MXRA8: variants seen among roughly 807,000 people sequenced by gnomAD.
The protein encoded by MXRA8 is matrix remodeling associated 8.
In MXRA8, 44 loss-of-function variants were observed where a neutral mutation model predicts 51.4. The ratio of observed to expected loss-of-function variants is 0.86; its 90% confidence interval spans 0.67 to 1.10. The LOEUF (loss-of-function observed/expected upper bound fraction) is 1.10. MXRA8 is among the 50% of genes least tolerant of loss of function. MXRA8 has a pLI of 0.00. For synonymous variants in MXRA8, 369 were observed against 293.5 expected (o/e 1.26, Z -2.63); for missense variants, 765 against 638.9 (o/e 1.20, Z -2.13).
Position 1,355,632 on chromosome 1 carries a change from C to A in MXRA8, c.194G>T (p.Arg65Leu), listed in dbSNP as rs916848887. 17 of 1,465,952 alleles carry A rather than the reference C, an allele frequency of 1.2e-5. No homozygotes were observed. The African/African-American group carries it at 2.4e-4, about 20-fold the overall frequency. The allele number at this position is 1,465,952 out of a possible 1,614,324, so 90.8% of individuals were successfully genotyped here. ...GAGCACGCGCTGGCGGTCGTGCAGC[C>A]GGTCCTGGGTCCACACCATGCGCGG... is the stretch of plus-strand genomic sequence containing the variant. ...QSPRMVWTQDRLHDRQRVLHW... is the reference protein window; with the variant it reads ...QSPRMVWTQDLLHDRQRVLHW... The change falls in exon 3 of 10, where the codon CGG (arginine) becomes CTG (leucine). Residue 65 changes from arginine (R) to leucine (L), a missense_variant. Arg to Leu is a moderately radical substitution (Grantham distance 102). Coordinates refer to ENST00000309212, the MANE Select transcript of MXRA8 (RefSeq NM_032348.4).
rs973959527 is a variant in MXRA8, at chr1:1,353,751, C to G, written c.1303+97G>C. ...TTCTGAGCCTGAGGTGGCAGGGGCC[C>G]CGGGCCTGGCTGGTGCCTGCCATCG... is the stretch of plus-strand genomic sequence containing the variant. On this transcript the variant is annotated intron_variant, in intron 9 of 9. Coordinates refer to ENST00000309212, the MANE Select transcript of MXRA8 (RefSeq NM_032348.4). 4 of 1,471,586 alleles carry G rather than the reference C, an allele frequency of 2.7e-6. No homozygotes were observed. In the South Asian group the frequency reaches 5.2e-5, roughly 19 times the overall value. 91.2% of individuals were successfully genotyped at this position (1,471,586 alleles called of 1,614,324 possible). A position where few individuals can be genotyped will look rare whatever the true frequency, so the allele number is the denominator to read the frequency against.
chr1:1,361,477 C>T (rs1302148177), upstream of MXRA8: 4 of 588,602 alleles, frequency 6.8e-6, no homozygotes, highest in East Asian at 1.1e-4. Flanking sequence ...ACGGACGGAC[C>T]CAAGGAAGCA....
chr1:1,361,416 G>C, upstream of MXRA8: 1 of 670,316 alleles, frequency 1.5e-6, no homozygotes, highest in East Asian at 2.7e-5. Flanking sequence ...GCTGCATGTG[G>C]TGGAGGGAAT....
At chr1:1,358,632 G>A (rs1338287439), upstream of MXRA8, 2 of 1,429,802 alleles carry the variant, frequency 1.4e-6, no homozygotes, top group Non-Finnish European at 1.8e-6. Flanking sequence ...TCTACGGTCT[G>A]GGGACCGCCC....
rs1411326478 is a variant in MXRA8, at chr1:1,352,845, A to G, written c.*759T>C. On this transcript the variant is annotated 3_prime_UTR_variant, in exon 10 of 10. Coordinates refer to ENST00000309212, the MANE Select transcript of MXRA8 (RefSeq NM_032348.4). ...AGAAGCCAAATGTAGCCCCAGCCCT[A>G]GACTCCAGCCCAGGCAGAGTCCAAG... 4.1e-6 allele frequency: 1 copy of G among 245,370 alleles called. No homozygotes were observed. The allele number at this position is 245,370 out of a possible 1,614,324, so 15.2% of individuals were successfully genotyped here. A position where few individuals can be genotyped will look rare whatever the true frequency, so the allele number is the denominator to read the frequency against.
In MXRA8 at chr1:1,355,656, G is replaced by A. The variant is rs954835307; in HGVS notation, c.170C>T (p.Pro57Leu). ...GARAVLRCQS[P>L]RMVWTQDRLH... ...CCGGTCCTGGGTCCACACCATGCGC[G>A]GGCTCTGGCAGCGCAGCACCGCCCG... The change falls in exon 3 of 10, where the codon CCG becomes CTG. Residue 57 changes from proline to leucine, a missense_variant. Coordinates refer to ENST00000309212, the MANE Select transcript of MXRA8 (RefSeq NM_032348.4). 66 of 1,426,474 alleles carry A rather than the reference G, an allele frequency of 4.6e-5. No individual in the cohort carries two copies. The African/African-American group carries it at 8.0e-4, about 17-fold the overall frequency. The allele number at this position is 1,426,474 out of a possible 1,614,324, so 88.4% of individuals were successfully genotyped here. A position where few individuals can be genotyped will look rare whatever the true frequency, so the allele number is the denominator to read the frequency against.
chr1:1,362,217 C>T (rs1644230562), upstream of MXRA8, among the ~76,000 whole-genome samples: 1 of 152,224 alleles, frequency 6.6e-6, no homozygotes, highest in Non-Finnish European at 1.5e-5. Flanking sequence ...AGCTGCCCTC[C>T]ACCACCACTG....
intron 1 of MXRA8, among the ~76,000 whole-genome samples, chr1:1,357,652 A>C (rs1644158885): frequency 6.6e-6 from 1 of 152,106 alleles, no homozygotes; most frequent in African/African-American, 2.4e-5. Flanking sequence ...CTAAAAATAC[A>C]AAAAATTAGC....
rs572913095 is a variant in MXRA8, at chr1:1,353,542, G to A, written c.*62C>T. On this transcript the variant is annotated 3_prime_UTR_variant, in exon 10 of 10. Transcript: ENST00000309212. ...GGTGAGCCCCGGAGCATCAGGAGATGCCCCGAGGAGCACAGACAGGAGAGG... is the reference window on the plus strand; with the variant it reads ...GGTGAGCCCCGGAGCATCAGGAGATACCCCGAGGAGCACAGACAGGAGAGG... The A allele has an allele frequency of 6.5e-6, 10 of 1,539,248 alleles. No homozygotes were observed. The highest frequency in any genetic ancestry group is 1.4e-5 in the African/African-American group (1 of 72,790).
chr1:1,355,045 G>A lies in MXRA8; in HGVS notation c.586C>T (p.Arg196Trp), dbSNP rs752279315. The A allele has an allele frequency of 7.5e-6, 12 of 1,607,896 alleles. No individual in the cohort carries two copies. Among genetic ancestry groups the A allele is most frequent in the Admixed American group, 3.4e-5 (2 of 59,634 alleles). Residue 196 changes from arginine to tryptophan, a missense_variant, in exon 5 of 10, where the codon CGG (arginine) becomes TGG (tryptophan). Physicochemically the swap from Arg to Trp is moderately radical, Grantham distance 101. Coordinates refer to ENST00000309212, the MANE Select transcript of MXRA8 (RefSeq NM_032348.4). ...CVNRGHVWTD[R>W]HVEEAQQVVH... ...ACCTGTTGAGCCTCCTCCACGTGCC[G>A]GTCGGTCCACACGTGCCCGCGGTTC... is the stretch of plus-strand genomic sequence containing the variant.
In MXRA8 at chr1:1,353,337, G is replaced by T. The variant is rs911229027; in HGVS notation, c.*267C>A. ...GCGGGCAGAGCCCAGAAGGGTCTGA[G>T]GGCATGATGGGCATCAGTGGGATTT... On this transcript the variant is annotated 3_prime_UTR_variant, in exon 10 of 10. Transcript: ENST00000309212. The T allele has an allele frequency of 1.3e-6, 2 of 1,549,028 alleles. No homozygotes were observed. The highest frequency in any genetic ancestry group is 1.7e-6 in the Non-Finnish European group (2 of 1,146,324).
chr1:1,360,980 G>A (rs537693736), upstream of MXRA8, among the ~76,000 whole-genome samples: 1 of 23,638 alleles, frequency 4.2e-5, no homozygotes, highest in Non-Finnish European at 1.0e-4. Context: ...AGAGATACAC[G>A]GAAACACAGA....
At chr1:1,359,552 G>T, upstream of MXRA8, 1 of 985,328 alleles carries the variant, frequency 1.0e-6, no homozygotes. Context: ...GGCCCCAGCT[G>T]GGTGGGGGGC....
chr1:1,354,987 G>C lies in MXRA8; in HGVS notation c.644C>G (p.Pro215Arg), dbSNP rs1351736066. The C allele has an allele frequency of 1.3e-6, 2 of 1,597,946 alleles. No homozygotes were observed. The highest frequency in any genetic ancestry group is 4.5e-5 in the East Asian group (2 of 44,158). The change falls in exon 5 of 10, where the codon CCG becomes CGG. Residue 215 changes from proline to arginine, a missense_variant. By Grantham distance (103) the Pro-to-Arg change is moderately radical. Transcript: ENST00000309212. ...CAGCAGGCGGTCCGCGCGGTCGTGC[G>C]GGACCCCGGGCGGCTGCCGGTCCCA... is the stretch of plus-strand genomic sequence containing the variant. ...VHWDRQPPGV[P>R]HDRADRLLDL...
chr1:1,356,270 C>T (rs1644128949), intron 2 of MXRA8, among the ~76,000 whole-genome samples: 2 of 73,740 alleles, frequency 2.7e-5, no homozygotes, highest in African/African-American at 5.7e-5. Context: ...GTCGGGGAGA[C>T]ATGGGGCCCA....
At position 1,354,033 on chromosome 1, in the gene MXRA8, G is replaced by T. The variant is rs531558101; in HGVS notation, c.1219C>A (p.Leu407Ile). 1.4e-5 allele frequency: 22 copies of T among 1,612,912 alleles called. No homozygotes were observed. Among genetic ancestry groups the T allele is most frequent in the Admixed American group, 1.0e-4 (6 of 60,018 alleles). ...TCGTGTCCCAGCACTGCCTCACCTA[G>T]CTGGATGTCCTCACTCCTGTAAAGC... ...QMLYRSEDIQ[L>I]DYKNNILKER... The change falls in exon 8 of 10, where the codon CTA becomes ATA. Residue 407 changes from leucine (L) to isoleucine (I), a missense_variant. Physicochemically the swap from Leu to Ile is conservative, Grantham distance 5 (BLOSUM62 2). Transcript: ENST00000309212.
chr1:1,357,983 G>A (rs966057837), intron 1 of MXRA8, among the ~76,000 whole-genome samples: 6 of 152,184 alleles, frequency 3.9e-5, no homozygotes, highest in African/African-American at 1.4e-4. Context: ...ACTGGGGGCT[G>A]CTCTCCCTCA....
In MXRA8 at chr1:1,355,332, C is replaced by T. The variant is rs372756214; in HGVS notation, c.390G>A (p.Thr130=). 6.0e-5 allele frequency: 94 copies of T among 1,576,522 alleles called. No individual in the cohort carries two copies. Among genetic ancestry groups the T allele is most frequent in the Non-Finnish European group, 7.8e-5 (91 of 1,165,200 alleles). ...FSLLIRAVEE[T]DAGLYTCNLH... ...GGTTGCAGGTGTACAGCCCCGCGTC[C>T]GTCTCCTCCACCGCTGCGCACCCAG... Residue 130 remains threonine (T), a synonymous_variant, in exon 4 of 10, where the codon ACG becomes ACA. Coordinates refer to ENST00000309212, the MANE Select transcript of MXRA8 (RefSeq NM_032348.4).
At position 1,355,626 on chromosome 1, in the gene MXRA8, T is replaced by C. The variant is rs762037621; in HGVS notation, c.200A>G (p.His67Arg). ...PRMVWTQDRL[H>R]DRQRVLHWDL... ...CCAGTGGAGCACGCGCTGGCGGTCGTGCAGCCGGTCCTGGGTCCACACCAT... is the reference window on the plus strand; with the variant it reads ...CCAGTGGAGCACGCGCTGGCGGTCGCGCAGCCGGTCCTGGGTCCACACCAT... Residue 67 changes from histidine (H) to arginine (R), a missense_variant, in exon 3 of 10, where the codon CAC becomes CGC. His to Arg is a conservative substitution (Grantham distance 29). Transcript: ENST00000309212. 4.8e-5 allele frequency: 70 copies of C among 1,466,526 alleles called. 1 individual carries two copies. In the South Asian group the frequency reaches 8.6e-4, roughly 18 times the overall value. 90.8% of individuals were successfully genotyped at this position (1,466,526 alleles called of 1,614,324 possible).
Sources: gnomAD v4.1 joint callset for allele counts (sites outside exome capture counted in the v4.1 genomes callset) on GRCh38, gnomAD v4.1.1 for gene constraint, MANE v1.5 for transcripts, NCBI Gene and HGNC (gene_info 2026-07-23, HGNC 2026-07-21) for gene names.